HDAC1: variants seen among roughly 807,000 people sequenced by gnomAD.
The protein encoded by HDAC1 is protein deacetylase HDAC1.
Under a neutral mutation model 65.5 loss-of-function variants are expected in HDAC1, and 18 were observed. The ratio of observed to expected loss-of-function variants is 0.27; its 90% CI spans 0.19 to 0.41. HDAC1 has a LOEUF of 0.41. Ranked by LOEUF, HDAC1 falls within the 10% of genes least tolerant of loss-of-function variation. The pLI is 1.00. For synonymous variants in HDAC1, 211 were observed against 227.9 expected (o/e 0.93, Z 0.67); for missense variants, 373 against 625.2 (o/e 0.60, Z 4.30).
intron 2 of HDAC1, among the ~76,000 whole-genome samples, chr1:32,305,679 C>T (rs998607390): frequency 7.3e-5 from 11 of 150,210 alleles, no homozygotes; most frequent in East Asian, 3.9e-4. Flanking sequence ...GGTGCGATCT[C>T]GGCTCACTGC....
Position 32,295,185 on chromosome 1 carries a change from G to A in HDAC1, c.49+2967G>A, listed in dbSNP as rs141033526. Among the ~76,000 whole-genome samples the A allele has an allele frequency of 2.8e-4, 42 of 152,224 alleles. No individual in the cohort carries two copies. The East Asian group carries it at 6.6e-3, about 24-fold the overall frequency. ...TCCCAGTACTTTGGTAGGCTGGGGCGGATGGTTCTCTTGAGCCCAGGAGTT... is the reference window on the plus strand; with the variant it reads ...TCCCAGTACTTTGGTAGGCTGGGGCAGATGGTTCTCTTGAGCCCAGGAGTT... On this transcript the variant is annotated intron_variant, in intron 1 of 13. Transcript: ENST00000373548.
intron 2 of HDAC1, among the ~76,000 whole-genome samples, chr1:32,314,825 C>CAA (rs34315355): frequency 1.8e-3 from 115 of 64,098 alleles, no homozygotes; most frequent in African/African-American, 4.9e-3. Context: ...GACTCCGTCT[C>CAA]AAAAAAAAAA....
intron 3 of HDAC1, among the ~76,000 whole-genome samples, chr1:32,321,325 C>G (rs1641141581): frequency 6.6e-6 from 1 of 152,050 alleles, no homozygotes; most frequent in African/African-American, 2.4e-5. Flanking sequence ...AGTTGATGCC[C>G]CCTTGGGCAT....
In HDAC1 at chr1:32,331,620, C is replaced by T; in HGVS notation, c.1088+38C>T. The T allele has an allele frequency of 6.2e-7, 1 of 1,613,242 alleles. No homozygotes were observed. Among genetic ancestry groups the T allele is most frequent in the Non-Finnish European group, 8.5e-7 (1 of 1,179,256 alleles). ...TCCAGCCACCCCTTGGTTGAACATT[C>T]CTGACTTTGGTTTGTCCCTGACCAG... is the stretch of plus-strand genomic sequence containing the variant. On this transcript the variant is annotated intron_variant, in intron 10 of 13. Coordinates refer to ENST00000373548, the MANE Select transcript of HDAC1 (RefSeq NM_004964.3). The surrounding 1 kb of genome is among the most constrained non-coding windows in gnomAD (Gnocchi z 4.2).
intron 2 of HDAC1, among the ~76,000 whole-genome samples, 162 bp downstream of exon 2, chr1:32,302,895 G>C (rs975557481): frequency 2.0e-5 from 3 of 152,194 alleles, no homozygotes; most frequent in Non-Finnish European, 2.9e-5. Context: ...TTTTTGGCTG[G>C]GCATGGTGGC....
At chr1:32,294,193 A>G (rs1320745228) in intron 1 of HDAC1, among the ~76,000 whole-genome samples, 1 of 151,948 alleles carries the variant, frequency 6.6e-6, no homozygotes, top group African/African-American at 2.4e-5. Flanking sequence ...CCCAGGCTGG[A>G]GTGCAGTGGC....
intron 1 of HDAC1, among the ~76,000 whole-genome samples, chr1:32,293,845 T>C (rs1640730513): frequency 6.7e-6 from 1 of 148,478 alleles, no homozygotes; most frequent in Admixed American, 6.8e-5. Flanking sequence ...GAGGTTGCAG[T>C]GAGCCAAGAT....
At chr1:32,308,568 G>C (rs1400536280) in intron 2 of HDAC1, among the ~76,000 whole-genome samples, 3 of 152,084 alleles carry the variant, frequency 2.0e-5, no homozygotes, top group Admixed American at 6.6e-5. Context: ...ACCCAGGCTG[G>C]AGTGCAGTGG....
At chr1:32,292,263 A>C in intron 1 of HDAC1, 45 bp downstream of exon 1, 1 of 1,545,704 alleles carries the variant, frequency 6.5e-7, no homozygotes, top group Non-Finnish European at 8.7e-7. Context: ...GCCGGGCCGG[A>C]CCGGGAACCT....
At chr1:32,312,612 CAGCCTCTCAA>C (rs1255760171) in intron 2 of HDAC1, among the ~76,000 whole-genome samples, 1 of 152,116 alleles carries the variant, frequency 6.6e-6, no homozygotes, top group Non-Finnish European at 1.5e-5. Context: ...CTGCCCCGCT[CAGCCTCTCAA>C]AGTGCTGGGA....
chr1:32,292,448 T>C (rs1341676535), intron 1 of HDAC1: 3 of 984,490 alleles, frequency 3.0e-6, no homozygotes, highest in East Asian at 2.3e-4. Context: ...GTAATCTTGA[T>C]GGGAAGATTC....
chr1:32,318,407 A>T (rs1037707244), intron 3 of HDAC1, among the ~76,000 whole-genome samples: 3 of 152,004 alleles, frequency 2.0e-5, no homozygotes, highest in East Asian at 1.9e-4. Flanking sequence ...ACAAAAAAAT[A>T]AAAAAATTAG....
At chr1:32,324,411 C>A in intron 3 of HDAC1, 68 bp from the exon 4 acceptor site, 1 of 1,056,810 alleles carries the variant, frequency 9.5e-7, no homozygotes, top group Non-Finnish European at 1.5e-6. Flanking sequence ...GTGTTTTTTT[C>A]CATCAGCTCA....
chr1:32,300,185 A>G (rs1364917745), intron 1 of HDAC1, among the ~76,000 whole-genome samples: 3 of 152,210 alleles, frequency 2.0e-5, no homozygotes, highest in Non-Finnish European at 2.9e-5. Flanking sequence ...CTGAGTCTCA[A>G]TTCAATTCAT....
intron 3 of HDAC1, among the ~76,000 whole-genome samples, chr1:32,321,109 T>C (rs1340433188): frequency 2.0e-5 from 3 of 150,948 alleles, no homozygotes; most frequent in African/African-American, 7.3e-5. Context: ...TGGGTGCCTG[T>C]AGTCCCAGCT....
In HDAC1 at chr1:32,327,200, G is replaced by A; in HGVS notation, c.494+123G>A. 4 of 950,456 alleles carry A rather than the reference G, an allele frequency of 4.2e-6. No homozygotes were observed. In the South Asian group the frequency reaches 6.1e-5, roughly 14 times the overall value. The allele number at this position is 950,456 out of a possible 1,614,324, so 58.9% of individuals were successfully genotyped here. A position where few individuals can be genotyped will look rare whatever the true frequency, so the allele number is the denominator to read the frequency against. On this transcript the variant is annotated intron_variant, in intron 5 of 13. Transcript: ENST00000373548. The surrounding 1 kb of genome is among the most constrained non-coding windows in gnomAD (Gnocchi z 6.0). ...CGATGTGCTGGCTAGGATGTGCTCG[G>A]TGAGTGTCTCTGGCCATCATCTCCT...
intron 1 of HDAC1, among the ~76,000 whole-genome samples, chr1:32,299,612 C>T (rs1038304432): frequency 6.6e-6 from 1 of 152,086 alleles, no homozygotes; most frequent in Non-Finnish European, 1.5e-5. Context: ...TCACTGGGTG[C>T]CTAGAGCTCT....
intron 2 of HDAC1, among the ~76,000 whole-genome samples, chr1:32,303,483 C>T (rs996883962): frequency 2.0e-5 from 3 of 151,580 alleles, no homozygotes; most frequent in African/African-American, 7.3e-5. Context: ...AACAAAAAAA[C>T]CAAAAATTTA....
chr1:32,323,144 T>G (rs1204229797), intron 3 of HDAC1, among the ~76,000 whole-genome samples: 1 of 151,892 alleles, frequency 6.6e-6, no homozygotes, highest in African/African-American at 2.4e-5. Context: ...CTACTAAGAA[T>G]GCGGAAATCA....
Sources: gnomAD v4.1 joint callset for allele counts (sites outside exome capture counted in the v4.1 genomes callset) on GRCh38, gnomAD v4.1.1 for gene constraint, Gnocchi (gnomAD v3.1) non-coding constraint, MANE v1.5 for transcripts, NCBI Gene and HGNC (gene_info 2026-07-23, HGNC 2026-07-21) for gene names.